PHC3: variants seen among roughly 807,000 people sequenced by gnomAD.
The protein encoded by PHC3 is polyhomeotic-like protein 3.
A neutral mutation model predicts 107.4 loss-of-function variants in PHC3; 13 were observed. That is an observed-to-expected ratio of 0.12 (90% CI 0.08 to 0.19). PHC3 has a LOEUF of 0.19. PHC3 is among the 10% of genes least tolerant of loss of function. The pLI is 1.00. For synonymous variants in PHC3, 456 were observed against 427.4 expected, an observed-to-expected ratio of 1.07 and a Z score of -0.83; for missense variants, 992 against 1,210.9, an observed-to-expected ratio of 0.82 and a Z score of 2.68.
intron 6 of PHC3, among the ~76,000 whole-genome samples, chr3:170,138,689 C>CA (rs11284597): frequency 0.044 from 3,545 of 81,106 alleles, 161 homozygotes; most frequent in African/African-American, 0.12. Context: ...GACTCTGTCT[C>CA]AAAAAAAAAA....
At chr3:170,156,342 C>T (rs547628008) in intron 4 of PHC3, among the ~76,000 whole-genome samples, 3 of 152,260 alleles carry the variant, frequency 2.0e-5, no homozygotes, top group South Asian at 4.1e-4. Context: ...CTGCAACCTC[C>T]GCCTCCTGGG....
In PHC3 at chr3:170,129,377, T is replaced by C; in HGVS notation, c.1095A>G (p.Ile365Met). Residue 365 changes from isoleucine to methionine, a missense_variant, in exon 8 of 15, where the codon ATA (isoleucine) becomes ATG (methionine). Ile to Met is a conservative substitution (Grantham distance 10). This residue lies in a region of PHC3 where 543 missense variants were observed against 590.8 expected (regional missense o/e 0.92). Coordinates refer to ENST00000495893, the MANE Select transcript of PHC3 (RefSeq NM_024947.4). ...GAGGAAGGCCATGGTTCTGGAGTGG[T>C]ATACAGTGCTGGGATGGGGGTGGGT... ...TQDPPPSQHCIPLQNHGLPPA... is the reference protein window; with the variant it reads ...TQDPPPSQHCMPLQNHGLPPA... 1.2e-6 allele frequency: 2 copies of C among 1,613,894 alleles called. No individual in the cohort carries two copies. The highest frequency in any genetic ancestry group is 1.7e-6 in the Non-Finnish European group (2 of 1,179,868).
intron 12 of PHC3, among the ~76,000 whole-genome samples, chr3:170,104,641 T>C (rs1057392978): frequency 2.0e-5 from 3 of 152,188 alleles, no homozygotes; most frequent in African/African-American, 7.2e-5. Context: ...TGCTAACTAT[T>C]CTAGAACCAG....
chr3:170,147,913 T>C (rs572097183), intron 5 of PHC3: 25 of 152,320 alleles, frequency 1.6e-4, no homozygotes, highest in Admixed American at 1.4e-3. Context: ...TCTCAAATGG[T>C]TCAACCTAAT....
intron 4 of PHC3, among the ~76,000 whole-genome samples, chr3:170,161,937 C>T (rs1727961471): frequency 6.6e-6 from 1 of 152,194 alleles, no homozygotes; most frequent in African/African-American, 2.4e-5. Flanking sequence ...ATCAGTTAGG[C>T]TTCAACATAT....
rs542465492 is a variant in PHC3 at position 170,151,234 on chromosome 3, A to G, written c.415-1990T>C. Among the ~76,000 whole-genome samples the G allele has an allele frequency of 8.5e-5, 13 of 152,272 alleles. No homozygotes were observed. In the South Asian group the frequency reaches 2.7e-3, roughly 32 times the overall value. On this transcript the variant is annotated intron_variant, in intron 4 of 14. Transcript: ENST00000495893. ...TCAAATACTAGTAATAATAATAATAATATTTTTAAACAGAGAATAATATAA... is the reference window on the plus strand; with the variant it reads ...TCAAATACTAGTAATAATAATAATAGTATTTTTAAACAGAGAATAATATAA...
At chr3:170,148,535 C>T (rs557968847) in intron 5 of PHC3, 1 of 152,114 alleles carries the variant, frequency 6.6e-6, no homozygotes, top group East Asian at 1.9e-4. Context: ...AAAATGAACA[C>T]AAGAACACAA....
chr3:170,179,884 A>G (rs532409856), intron 1 of PHC3, among the ~76,000 whole-genome samples: 35 of 152,290 alleles, frequency 2.3e-4, no homozygotes, highest in African/African-American at 8.2e-4. Context: ...AAAGCACACA[A>G]GAGATTATAC....
rs1391000122 is a variant in PHC3, at chr3:170,093,635, C to CTGAAGA, written c.*3589_*3594dup. 3 of 152,146 alleles carry CTGAAGA rather than the reference C, an allele frequency of 2.0e-5. No homozygotes were observed. The highest frequency in any genetic ancestry group is 6.5e-5 in the Admixed American group (1 of 15,268). The allele number at this position is 152,146 out of a possible 1,614,324, so 9.4% of individuals were successfully genotyped here. A position where few individuals can be genotyped will look rare whatever the true frequency, so the allele number is the denominator to read the frequency against. Reference sequence around the variant, plus strand: ...CTTGTGCCATTGTGGTACCAAAAGCCTGAAGATGTACATAATGTACTTTAA... The same window carrying CTGAAGA: ...CTTGTGCCATTGTGGTACCAAAAGCCTGAAGATGAAGATGTACATAATGTACTTTAA... On this transcript the variant is annotated 3_prime_UTR_variant, in exon 15 of 15. Coordinates refer to ENST00000495893, the MANE Select transcript of PHC3 (RefSeq NM_024947.4).
intron 8 of PHC3, 155 bp downstream of exon 8, chr3:170,128,529 T>C: frequency 8.9e-7 from 1 of 1,120,936 alleles, no homozygotes; most frequent in Non-Finnish European, 1.2e-6. Flanking sequence ...TTTTTTTTTT[T>C]GCCCATACAG....
chr3:170,168,158 G>C (rs1342785322), intron 4 of PHC3, among the ~76,000 whole-genome samples: 2 of 145,148 alleles, frequency 1.4e-5, no homozygotes, highest in African/African-American at 5.2e-5. Context: ...TCTGTCAAAG[G>C]AAAGGAAAGG....
chr3:170,168,753 C>CAAA lies in PHC3; in HGVS notation c.414+2617_414+2619dup, dbSNP rs59152470. 5.0e-3 allele frequency among the ~76,000 whole-genome samples: 382 copies of CAAA among 76,512 alleles called. 21 individuals are homozygous for CAAA. The East Asian group carries it at 0.093, about 19-fold the overall frequency. 50.2% of individuals were successfully genotyped at this position (76,512 alleles called of 152,430 possible). A position where few individuals can be genotyped will look rare whatever the true frequency, so the allele number is the denominator to read the frequency against. Reference sequence around the variant, plus strand: ...TGGGAGACAGAGCGAGACTCCGTCTCAAAAAAAAAAAAAAAAAAAAAATCA... The same window carrying CAAA: ...TGGGAGACAGAGCGAGACTCCGTCTCAAAAAAAAAAAAAAAAAAAAAAAAATCA... On this transcript the variant is annotated intron_variant, in intron 4 of 14. Coordinates refer to ENST00000495893, the MANE Select transcript of PHC3 (RefSeq NM_024947.4).
intron 5 of PHC3, 34 bp downstream of exon 5, chr3:170,149,052 A>C: frequency 6.3e-7 from 1 of 1,597,262 alleles, no homozygotes; most frequent in Non-Finnish European, 8.5e-7. Flanking sequence ...TCAAGTCCTT[A>C]AACACTGAAA....
chr3:170,108,972 G>A (rs975308892), intron 11 of PHC3, among the ~76,000 whole-genome samples: 8 of 151,978 alleles, frequency 5.3e-5, no homozygotes, highest in South Asian at 2.1e-4. Context: ...ACAGTTAACC[G>A]AACAAAAATA....
intron 6 of PHC3, among the ~76,000 whole-genome samples, chr3:170,142,551 A>C (rs1294857285): frequency 6.6e-6 from 1 of 152,220 alleles, no homozygotes; most frequent in African/African-American, 2.4e-5. Flanking sequence ...ACAAATATGA[A>C]TGAATATTAG....
At chr3:170,154,289 G>C (rs373073539) in intron 4 of PHC3, among the ~76,000 whole-genome samples, 2 of 152,246 alleles carry the variant, frequency 1.3e-5, no homozygotes, top group East Asian at 1.9e-4. Context: ...TTTAAGCTTT[G>C]CTCCAGAGAT....
intron 14 of PHC3, among the ~76,000 whole-genome samples, chr3:170,100,427 A>C (rs1032318492): frequency 6.6e-6 from 1 of 152,230 alleles, no homozygotes; most frequent in African/African-American, 2.4e-5. Flanking sequence ...ACTGTGAGAA[A>C]GGTGATACAA....
At position 170,089,452 on chromosome 3, in the gene PHC3, G is replaced by A. The variant is rs1162459934; in HGVS notation, c.*7778C>T. On this transcript the variant is annotated 3_prime_UTR_variant, in exon 15 of 15. Coordinates refer to ENST00000495893, the MANE Select transcript of PHC3 (RefSeq NM_024947.4). ...TAAAGGATGCCCTTTTACTATATAT[G>A]TGCTTTCTAGAATATTACTGATTCT... 6.6e-6 allele frequency: 1 copy of A among 152,142 alleles called. No individual in the cohort carries two copies. The highest frequency in any genetic ancestry group is 1.5e-5 in the Non-Finnish European group (1 of 68,020). The allele number at this position is 152,142 out of a possible 1,614,324, so 9.4% of individuals were successfully genotyped here. A position where few individuals can be genotyped will look rare whatever the true frequency, so the allele number is the denominator to read the frequency against.
At chr3:170,172,453 C>G in intron 3 of PHC3, 104 bp downstream of exon 3, 15 of 1,257,902 alleles carry the variant, frequency 1.2e-5, no homozygotes, top group Non-Finnish European at 1.6e-5. Flanking sequence ...AAAATAACCA[C>G]AGGACATCTG....
Sources: gnomAD v4.1 joint callset for allele counts (sites outside exome capture counted in the v4.1 genomes callset) on GRCh38, gnomAD v4.1.1 for gene constraint, gnomAD v4.1.1 regional missense constraint, MANE v1.5 for transcripts, NCBI Gene and HGNC (gene_info 2026-07-23, HGNC 2026-07-21) for gene names.